CHCHD3: variants seen among roughly 807,000 people sequenced by gnomAD.
The protein encoded by CHCHD3 is coiled-coil-helix-coiled-coil-helix domain containing 3.
In CHCHD3, 20 loss-of-function variants were observed where a neutral mutation model predicts 38.2. That is an observed-to-expected ratio of 0.52 (90% CI 0.37 to 0.76). The LOEUF (loss-of-function observed/expected upper bound fraction) is 0.76, where lower values mean the gene tolerates loss of function less well. CHCHD3 is among the 30% of genes least tolerant of loss of function. CHCHD3 has a pLI of 0.00. For missense variants in CHCHD3, 245 were observed against 279.2 expected (o/e 0.88, Z 0.87); for synonymous variants, 82 against 100.0 (o/e 0.82, Z 1.07).
intron 2 of CHCHD3, among the ~76,000 whole-genome samples, chr7:133,037,726 T>A (rs1244824678): frequency 6.6e-6 from 1 of 152,122 alleles, no homozygotes; most frequent in Non-Finnish European, 1.5e-5. Context: ...GGCAGGAGAA[T>A]TGCTCAAACC....
At chr7:132,853,076 C>T (rs1175566894) in intron 5 of CHCHD3, among the ~76,000 whole-genome samples, 1 of 152,140 alleles carries the variant, frequency 6.6e-6, no homozygotes, top group Non-Finnish European at 1.5e-5. Context: ...CTTTCCAGCA[C>T]CACAGAAAAT....
intron 4 of CHCHD3, among the ~76,000 whole-genome samples, chr7:132,962,138 A>G (rs1382648153): frequency 6.6e-6 from 1 of 152,232 alleles, no homozygotes; most frequent in East Asian, 1.9e-4. Context: ...ACTAATCAGA[A>G]TAAGTAATCA....
At chr7:132,861,584 G>A (rs891349370) in intron 5 of CHCHD3, among the ~76,000 whole-genome samples, 5 of 152,292 alleles carry the variant, frequency 3.3e-5, no homozygotes, top group Admixed American at 1.3e-4. Flanking sequence ...GAAAAAAGAT[G>A]TCTAAAGCAG....
intron 4 of CHCHD3, among the ~76,000 whole-genome samples, chr7:132,966,964 G>A (rs1385584645): frequency 1.3e-5 from 2 of 152,114 alleles, no homozygotes; most frequent in East Asian, 1.9e-4. Flanking sequence ...TGAATGCCAC[G>A]TCATCATAAA....
intron 4 of CHCHD3, among the ~76,000 whole-genome samples, chr7:132,902,037 T>C (rs1809682726): frequency 6.6e-6 from 1 of 152,214 alleles, no homozygotes; most frequent in Non-Finnish European, 1.5e-5. Context: ...CAGTTTCAGC[T>C]TTCTACATAT....
intron 4 of CHCHD3, among the ~76,000 whole-genome samples, chr7:132,901,523 C>G (rs1373604122): frequency 6.6e-6 from 1 of 152,212 alleles, no homozygotes; most frequent in African/African-American, 2.4e-5. Context: ...AGTCCTCAGG[C>G]CTGGCTGGTT....
intron 4 of CHCHD3, among the ~76,000 whole-genome samples, chr7:132,941,101 T>C (rs1189082908): frequency 6.6e-6 from 1 of 152,222 alleles, no homozygotes; most frequent in East Asian, 1.9e-4. Flanking sequence ...TTATGATCTA[T>C]GTGTTCAATT....
chr7:132,977,872 G>A (rs746747221), intron 3 of CHCHD3, among the ~76,000 whole-genome samples: 39 of 152,078 alleles, frequency 2.6e-4, no homozygotes, highest in Non-Finnish European at 5.3e-4. Flanking sequence ...AGGATCATAA[G>A]GATTTTGGCA....
At chr7:132,927,098 TA>T (rs1228252110) in intron 4 of CHCHD3, among the ~76,000 whole-genome samples, 1 of 152,166 alleles carries the variant, frequency 6.6e-6, no homozygotes, top group Non-Finnish European at 1.5e-5. Flanking sequence ...AGATTACATA[TA>T]AACCCATGCC....
At chr7:133,004,608 AAAGAG>A (rs760710397) in intron 3 of CHCHD3, among the ~76,000 whole-genome samples, 6 of 152,226 alleles carry the variant, frequency 3.9e-5, no homozygotes, top group Non-Finnish European at 7.3e-5. Flanking sequence ...TTGTATATCC[AAAGAG>A]AATGAGAACA....
intron 4 of CHCHD3, among the ~76,000 whole-genome samples, chr7:132,927,242 C>T (rs749188920): frequency 1.3e-5 from 2 of 152,202 alleles, no homozygotes; most frequent in African/African-American, 2.4e-5. Flanking sequence ...ACTACTAATG[C>T]TTCTGATTCC....
At chr7:133,029,852 A>C (rs778414855) in intron 2 of CHCHD3, among the ~76,000 whole-genome samples, 25 of 152,190 alleles carry the variant, frequency 1.6e-4, no homozygotes, top group African/African-American at 6.0e-4. Context: ...GGAGAGAAAA[A>C]CGTGGGAAGA....
chr7:132,819,530 T>C (rs1807289936), intron 6 of CHCHD3, among the ~76,000 whole-genome samples: 1 of 152,196 alleles, frequency 6.6e-6, no homozygotes, highest in African/African-American at 2.4e-5. Context: ...TTGATACTAA[T>C]TGAGCACCTG....
chr7:132,800,430 C>T (rs1806761264), intron 6 of CHCHD3, among the ~76,000 whole-genome samples: 1 of 152,172 alleles, frequency 6.6e-6, no homozygotes, highest in Non-Finnish European at 1.5e-5. Context: ...CCACTGCTGC[C>T]TCTATTTTCA....
intron 2 of CHCHD3, among the ~76,000 whole-genome samples, chr7:133,057,683 C>CA (rs1814383310): frequency 6.6e-6 from 1 of 151,636 alleles, no homozygotes; most frequent in Non-Finnish European, 1.5e-5. Flanking sequence ...GTCATTTTTG[C>CA]AAAAAAGATG....
At chr7:132,959,701 C>T (rs1311110162) in intron 4 of CHCHD3, among the ~76,000 whole-genome samples, 4 of 131,024 alleles carry the variant, frequency 3.1e-5, no homozygotes, top group African/African-American at 1.2e-4. Flanking sequence ...CCAGCCTGGG[C>T]GACAGAGCAA....
Position 133,048,658 on chromosome 7 carries a change from G to C in CHCHD3, c.169+21484C>G, listed in dbSNP as rs573648084. On this transcript the variant is annotated intron_variant, in intron 2 of 7. Coordinates refer to ENST00000262570, the MANE Select transcript of CHCHD3 (RefSeq NM_017812.4). ...ACAATTGGAAAATCACTACCAAAGGGTAAGTGTAGGAAACTCCCCCCTAAA... is the reference window on the plus strand; with the variant it reads ...ACAATTGGAAAATCACTACCAAAGGCTAAGTGTAGGAAACTCCCCCCTAAA... Among the ~76,000 whole-genome samples, 5 of 152,246 alleles carry C rather than the reference G, an allele frequency of 3.3e-5. No homozygotes were observed. In the South Asian group the frequency reaches 1.0e-3, roughly 32 times the overall value.
chr7:132,885,527 C>A, intron 5 of CHCHD3, 135 bp downstream of exon 5: 1 of 638,492 alleles, frequency 1.6e-6, no homozygotes, highest in East Asian at 3.2e-5. Context: ...AACTAACTAC[C>A]TGCTTTGCTT....
intron 3 of CHCHD3, among the ~76,000 whole-genome samples, chr7:133,008,756 A>C (rs1562936384): frequency 6.6e-6 from 1 of 152,158 alleles, no homozygotes; most frequent in Non-Finnish European, 1.5e-5. Flanking sequence ...ACACTACCAC[A>C]AAAGGTCAAG....
Sources: allele counts gnomAD v4.1 joint callset (sites outside exome capture counted in the v4.1 genomes callset), GRCh38; gene constraint gnomAD v4.1.1; transcripts MANE v1.5; gene names NCBI Gene and HGNC (gene_info 2026-07-23, HGNC 2026-07-21).